The following ANGPTL6 variants were observed in gnomAD, a reference collection of about 807,000 sequenced individuals.
The protein encoded by ANGPTL6 is angiopoietin like 6.
A neutral mutation model predicts 47.4 loss-of-function variants in ANGPTL6; 45 were observed. That is an observed-to-expected ratio of 0.95 (90% CI 0.75 to 1.22). The LOEUF (loss-of-function observed/expected upper bound fraction) is 1.22. Among genes scored for constraint, ANGPTL6 ranks in the 50% most tolerant of loss-of-function variants. The pLI is 0.00. For missense variants in ANGPTL6, 698 were observed against 669.4 expected, an observed-to-expected ratio of 1.04 and a Z score of -0.47; for synonymous variants, 290 against 295.9, an observed-to-expected ratio of 0.98 and a Z score of 0.20.
Position 10,096,026 on chromosome 19 carries a change from G to A in ANGPTL6, c.538C>T (p.Arg180Cys). ...CCTCCCGGGCACAGGCGCTCCAGGCGGGCGATGAGACTGCTCTGCTGGGTG... is the reference window on the plus strand; with the variant it reads ...CCTCCCGGGCACAGGCGCTCCAGGCAGGCGATGAGACTGCTCTGCTGGGTG... Reference protein sequence around the residue: ...LVTQQSSLIARLERLCPGGAG... With the variant: ...LVTQQSSLIACLERLCPGGAG... Residue 180 changes from arginine (R) to cysteine (C), a missense_variant, in exon 2 of 6, where the codon CGC becomes TGC. Coordinates refer to ENST00000253109, the MANE Select transcript of ANGPTL6 (RefSeq NM_031917.3). 7.3e-7 allele frequency: 1 copy of A among 1,377,160 alleles called. No homozygotes were observed. The highest frequency in any genetic ancestry group is 9.4e-7 in the Non-Finnish European group (1 of 1,060,554). The allele number at this position is 1,377,160 out of a possible 1,614,324, so 85.3% of individuals were successfully genotyped here.
chr19:10,095,853 C>G, intron 2 of ANGPTL6, 129 bp downstream of exon 2: 1 of 529,360 alleles, frequency 1.9e-6, no homozygotes, highest in Non-Finnish European at 2.9e-6. Context: ...AAATAAGTTA[C>G]CAGAAGGGGC....
intron 3 of ANGPTL6, chr19:10,094,469 G>GT (rs906304433): frequency 3.9e-5 from 16 of 412,434 alleles, no homozygotes; most frequent in Middle Eastern, 1.4e-3. Flanking sequence ...TTAAACCCTG[G>GT]TTTTTTATGG....
intron 2 of ANGPTL6, 139 bp downstream of exon 2, chr19:10,095,843 A>T: frequency 2.1e-6 from 1 of 482,262 alleles, no homozygotes; most frequent in Non-Finnish European, 3.3e-6. Flanking sequence ...TTTTTGACCC[A>T]AATAAGTTAC....
At chr19:10,101,842 C>T (rs920714406) in intron 1 of ANGPTL6, among the ~76,000 whole-genome samples, 2 of 141,534 alleles carry the variant, frequency 1.4e-5, no homozygotes, top group Non-Finnish European at 3.1e-5. Flanking sequence ...TGCGGTGGCT[C>T]ACGCCTGTAA....
Position 10,094,644 on chromosome 19 carries a change from A to C in ANGPTL6, c.763+114T>G, listed in dbSNP as rs567388672. On this transcript the variant is annotated intron_variant, in intron 3 of 5. Transcript: ENST00000253109. ...TAGAAGTTTGGTCTTATTTTTAATC[A>C]GAATAGGAGTATCATTTCTTCTGGT... 4.6e-4 allele frequency: 585 copies of C among 1,283,950 alleles called. 1 individual carries two copies. The highest frequency in any genetic ancestry group is 3.5e-3 in the Middle Eastern group (19 of 5,380). 79.5% of individuals were successfully genotyped at this position (1,283,950 alleles called of 1,614,324 possible).
intron 1 of ANGPTL6, among the ~76,000 whole-genome samples, chr19:10,102,115 C>CAAAAA (rs111902676): frequency 1.8e-3 from 76 of 42,892 alleles, no homozygotes; most frequent in Non-Finnish European, 1.9e-3. Flanking sequence ...GACTCTGTCT[C>CAAAAA]AAAAAAAAAA....
At chr19:10,105,497 G>A (rs1406797394), upstream of ANGPTL6, among the ~76,000 whole-genome samples, 1 of 152,028 alleles carries the variant, frequency 6.6e-6, no homozygotes, top group Admixed American at 6.6e-5. Flanking sequence ...AACAGGGATG[G>A]GGCCAGACAC....
chr19:10,093,962 C>A (rs779873375), intron 3 of ANGPTL6, 82 bp from the exon 4 acceptor site: 7 of 1,437,076 alleles, frequency 4.9e-6, no homozygotes, highest in Non-Finnish European at 6.7e-6. Context: ...TCTCACAGGT[C>A]CTCTCACCAG....
Position 10,096,404 on chromosome 19 carries a change from G to T in ANGPTL6, c.160C>A (p.Pro54Thr). ...AGCTCGCTGGCGTTGGCGGCCTCGG[G>T]CGTCGCCCGCGTGGATGCGGGGCCG... The part of the protein sequence containing the change: ...WSGPASTRAT[P>T]EAANASELAA... The change falls in exon 2 of 6, where the codon CCC (proline) becomes ACC (threonine). Residue 54 changes from proline (P) to threonine (T), a missense_variant. Transcript: ENST00000253109. The T allele has an allele frequency of 1.5e-6, 2 of 1,316,890 alleles. No homozygotes were observed. Among genetic ancestry groups the T allele is most frequent in the Non-Finnish European group, 9.6e-7 (1 of 1,037,844 alleles). 81.6% of individuals were successfully genotyped at this position (1,316,890 alleles called of 1,614,324 possible).
At chr19:10,094,680 TGA>T in intron 3 of ANGPTL6, 76 bp downstream of exon 3, 3 of 1,548,440 alleles carry the variant, frequency 1.9e-6, no homozygotes, top group South Asian at 1.1e-5. Context: ...CTTCTCACAA[TGA>T]GAGAAATCTG....
At position 10,092,390 on chromosome 19, in the gene ANGPTL6, A is replaced by C; in HGVS notation, c.*199T>G. The C allele has an allele frequency of 1.3e-6, 2 of 1,522,240 alleles. No homozygotes were observed. The highest frequency in any genetic ancestry group is 1.2e-5 in the South Asian group (1 of 80,512). 94.3% of individuals were successfully genotyped at this position (1,522,240 alleles called of 1,614,324 possible). The stretch of plus-strand genomic sequence containing the variant: ...ATGAGCTCAAACCGAGATATGAATG[A>C]CCTTGGGGAGCCATCTGAGGCCAAG... On this transcript the variant is annotated 3_prime_UTR_variant, in exon 6 of 6. Transcript: ENST00000253109.
rs775165093 is a variant in ANGPTL6, at chr19:10,093,855, G to C, written c.789C>G (p.Ala263=). 8.1e-6 allele frequency: 13 copies of C among 1,610,466 alleles called. No homozygotes were observed. The African/African-American group carries it at 1.7e-4, about 21-fold the overall frequency. ...CACTCTGTTCATGGCCTGCCTGGCG[G>C]GCCTCTGCACAATCCTGCCACGGGC... ...PVGPWQDCAE[A]RQAGHEQSGV... Residue 263 remains alanine (A), a synonymous_variant, in exon 4 of 6, where the codon GCC becomes GCG. Transcript: ENST00000253109.
Position 10,096,316 on chromosome 19 carries a change from G to C in ANGPTL6, c.248C>G (p.Ala83Gly), listed in dbSNP as rs1352383737. 1.6e-6 allele frequency: 2 copies of C among 1,264,258 alleles called. No individual in the cohort carries two copies. Among genetic ancestry groups the C allele is most frequent in the South Asian group, 5.7e-5 (2 of 35,146 alleles). The allele number at this position is 1,264,258 out of a possible 1,614,324, so 78.3% of individuals were successfully genotyped here. ...GCCGGCCACGGCGCCGTCGGCCGCC[G>C]CCAGCCTCTGCAGCTCGCGTAACAG... is the stretch of plus-strand genomic sequence containing the variant. ...EELLRELQRL[A>G]AADGAVAGEV... Residue 83 changes from alanine to glycine, a missense_variant, in exon 2 of 6, where the codon GCG becomes GGG. Physicochemically the swap from Ala to Gly is moderately conservative, Grantham distance 60. Transcript: ENST00000253109.
In ANGPTL6 at chr19:10,096,420, T is replaced by G. The variant is rs2088544123; in HGVS notation, c.144A>C (p.Ala48=). Residue 48 remains alanine, a synonymous_variant, in exon 2 of 6, where the codon GCA becomes GCC. Coordinates refer to ENST00000253109, the MANE Select transcript of ANGPTL6 (RefSeq NM_031917.3). ...CGGCCTCGGGCGTCGCCCGCGTGGA[T>G]GCGGGGCCGCTCCAGCACACAGCGC... ...FTGAVCWSGP[A]STRATPEAAN... 3 of 1,343,316 alleles carry G rather than the reference T, an allele frequency of 2.2e-6. No homozygotes were observed. The highest frequency in any genetic ancestry group is 9.5e-7 in the Non-Finnish European group (1 of 1,051,898). The allele number at this position is 1,343,316 out of a possible 1,614,324, so 83.2% of individuals were successfully genotyped here.
chr19:10,093,671 GCCTCTGCCCA>G lies in ANGPTL6; in HGVS notation c.951+12_951+21del, dbSNP rs748300417. 3.1e-6 allele frequency: 5 copies of G among 1,613,420 alleles called. No individual in the cohort carries two copies. The highest frequency in any genetic ancestry group is 3.4e-6 in the Non-Finnish European group (4 of 1,179,506). On this transcript the variant is annotated intron_variant, in intron 4 of 5. Coordinates refer to ENST00000253109, the MANE Select transcript of ANGPTL6 (RefSeq NM_031917.3). ...CAGAACAGGCTCCCTCCCCTTCCCT[GCCTCTGCCCA>G]CCTGTGCCCACCTTATAGTGCTGCC...
At chr19:10,093,217 G>C (rs967510650) in intron 5 of ANGPTL6, 132 bp downstream of exon 5, 1 of 1,249,198 alleles carries the variant, frequency 8.0e-7, no homozygotes, top group Non-Finnish European at 1.1e-6. Context: ...TTGTTCTCTT[G>C]ACGGAATAAA....
Position 10,092,600 on chromosome 19 carries a change from G to A in ANGPTL6, c.1402C>T (p.Leu468=). 6.2e-7 allele frequency: 1 copy of A among 1,605,724 alleles called. No individual in the cohort carries two copies. Among genetic ancestry groups the A allele is most frequent in the Non-Finnish European group, 8.5e-7 (1 of 1,173,744 alleles). Reference sequence around the variant, plus strand: ...AGAGGAACACAGAGTCACAGCTTCAGGGGCCGAATGAGCATGGCGGCCTTC... The same window carrying A: ...AGAGGAACACAGAGTCACAGCTTCAAGGGCCGAATGAGCATGGCGGCCTTC... ...LRKAAMLIRP[L]KL The change falls in exon 6 of 6, where the codon CTG becomes TTG. Residue 468 remains leucine, a synonymous_variant. Coordinates refer to ENST00000253109, the MANE Select transcript of ANGPTL6 (RefSeq NM_031917.3).
rs992184775 is a variant in ANGPTL6, at chr19:10,096,431, T to A, written c.133A>T (p.Ser45Cys). 1 of 1,429,224 alleles carries A rather than the reference T, an allele frequency of 7.0e-7. No individual in the cohort carries two copies. The highest frequency in any genetic ancestry group is 1.5e-5 in the African/African-American group (1 of 66,490). 88.5% of individuals were successfully genotyped at this position (1,429,224 alleles called of 1,614,324 possible). ...PQKFTGAVCW[S>C]GPASTRATPE... ...GTCGCCCGCGTGGATGCGGGGCCGC[T>A]CCAGCACACAGCGCCCGTGAACTTC... The change falls in exon 2 of 6, where the codon AGC becomes TGC. Residue 45 changes from serine to cysteine, a missense_variant. By Grantham distance (112) the Ser-to-Cys change is moderately radical. Transcript: ENST00000253109.
rs561692672 is a variant in ANGPTL6, at chr19:10,093,033, G to A, written c.1223-254C>T. ...TCTTTCCCACCTTTTCTGCAAACTA[G>A]GAGTCTACCGTTCATTCCTTTATCA... On this transcript the variant is annotated intron_variant, in intron 5 of 5. Transcript: ENST00000253109. 334 of 487,058 alleles carry A rather than the reference G, an allele frequency of 6.9e-4. 7 individuals carry two copies. In the South Asian group the frequency reaches 0.011, roughly 17 times the overall value. 30.2% of individuals were successfully genotyped at this position (487,058 alleles called of 1,614,324 possible). A position where few individuals can be genotyped will look rare whatever the true frequency, so the allele number is the denominator to read the frequency against.
Sources: gnomAD v4.1 joint callset for allele counts (sites outside exome capture counted in the v4.1 genomes callset) on GRCh38, gnomAD v4.1.1 for gene constraint, MANE v1.5 for transcripts, NCBI Gene and HGNC (gene_info 2026-07-23, HGNC 2026-07-21) for gene names.